NCALD: variants seen among roughly 807,000 people sequenced by gnomAD.
NCALD encodes the protein neurocalcin delta, also known as neurocalcin-delta.
In NCALD, 10 loss-of-function variants were observed where a neutral mutation model predicts 18.6. That is an observed-to-expected ratio of 0.54 (90% CI 0.33 to 0.91). The LOEUF is 0.91. Among genes scored for constraint, NCALD ranks in the 40% least tolerant of loss-of-function variants. NCALD has a pLI of 0.03. For missense variants in NCALD, 184 were observed against 247.6 expected, an observed-to-expected ratio of 0.74 and a Z score of 1.72; for synonymous variants, 88 against 87.4, an observed-to-expected ratio of 1.01 and a Z score of -0.04.
intron 1 of NCALD, among the ~76,000 whole-genome samples, chr8:101,779,070 T>C (rs1037821226): frequency 6.6e-6 from 1 of 152,286 alleles, no homozygotes; most frequent in Middle Eastern, 3.4e-3. Context: ...ACAAAGTCCA[T>C]AAAATTGTGA....
chr8:101,819,263 C>CATTATTTATTTATTTA (rs76064599), intron 4 of NCALD, among the ~76,000 whole-genome samples: 7 of 148,332 alleles, frequency 4.7e-5, no homozygotes, highest in African/African-American at 1.5e-4. Context: ...AAATACATAA[C>CATTATTTATTTATTTA]TTTATTTATT....
chr8:102,074,750 T>C (rs1824287196), intron 1 of NCALD, among the ~76,000 whole-genome samples: 1 of 152,172 alleles, frequency 6.6e-6, no homozygotes, highest in Admixed American at 6.5e-5. Flanking sequence ...GGTTTACATC[T>C]ACTTTCTTCT....
chr8:101,724,233 C>T (rs1238741962), intron 1 of NCALD, among the ~76,000 whole-genome samples: 1 of 152,124 alleles, frequency 6.6e-6, no homozygotes, highest in Non-Finnish European at 1.5e-5. Flanking sequence ...TTTACCATTT[C>T]TAAGAGGAAA....
At chr8:101,883,325 G>C (rs1816557346) in intron 4 of NCALD, among the ~76,000 whole-genome samples, 1 of 152,184 alleles carries the variant, frequency 6.6e-6, no homozygotes, top group Non-Finnish European at 1.5e-5. Context: ...CTGGGCAACA[G>C]AGTGAGATCC....
chr8:101,974,403 C>A (rs1388205974), intron 2 of NCALD, among the ~76,000 whole-genome samples: 1 of 152,132 alleles, frequency 6.6e-6, no homozygotes, highest in Non-Finnish European at 1.5e-5. Flanking sequence ...AAGATTACTG[C>A]CCCAAACCCC....
intron 1 of NCALD, among the ~76,000 whole-genome samples, chr8:101,758,279 C>T (rs1015172135): frequency 2.0e-5 from 3 of 152,164 alleles, no homozygotes; most frequent in African/African-American, 7.2e-5. Flanking sequence ...CACAGAAAGG[C>T]AGGCCCTTCT....
chr8:101,872,313 G>C, intron 4 of NCALD: 1 of 1,375,516 alleles, frequency 7.3e-7, no homozygotes, highest in Admixed American at 1.7e-5. Flanking sequence ...TCCCCTCAGC[G>C]AGTCTCTGCC....
chr8:101,729,553 C>T (rs962072299), intron 1 of NCALD, among the ~76,000 whole-genome samples: 1 of 152,060 alleles, frequency 6.6e-6, no homozygotes, highest in East Asian at 1.9e-4. Context: ...GCCTGGGGTT[C>T]CCAGCCACAC....
At chr8:101,999,219 C>T (rs1246354563) in intron 2 of NCALD, among the ~76,000 whole-genome samples, 1 of 151,930 alleles carries the variant, frequency 6.6e-6, no homozygotes, top group Non-Finnish European at 1.5e-5. Flanking sequence ...TTTATACCAG[C>T]ACAATTCACA....
intron 2 of NCALD, among the ~76,000 whole-genome samples, chr8:102,011,170 T>G (rs1454435533): frequency 1.3e-5 from 2 of 152,192 alleles, no homozygotes; most frequent in African/African-American, 4.8e-5. Flanking sequence ...CCATATCCAT[T>G]AACCACTTTC....
intron 1 of NCALD, among the ~76,000 whole-genome samples, chr8:102,112,361 C>T (rs867295336): frequency 9.2e-5 from 14 of 152,252 alleles, no homozygotes; most frequent in Middle Eastern, 3.4e-3. Flanking sequence ...AGACCAAAAC[C>T]GGATTAATCC....
chr8:102,029,143 G>A (rs1822571107), intron 1 of NCALD: 1 of 152,172 alleles, frequency 6.6e-6, no homozygotes, highest in Non-Finnish European at 1.5e-5. Flanking sequence ...AGAAGAAACT[G>A]TGTGAGCAAA....
In NCALD at chr8:102,002,817, C is replaced by A. The variant is rs575678698; in HGVS notation, c.-157+17420G>T. Among the ~76,000 whole-genome samples the A allele has an allele frequency of 3.8e-3, 578 of 152,232 alleles. 3 individuals are homozygous for A. The highest frequency in any genetic ancestry group is 6.4e-3 in the Non-Finnish European group (433 of 68,008). ...AAATAAAGGCAGAAATAAAGATGTT[C>A]TTTGAAACCAACGAGAACAAAGACA... On this transcript the variant is annotated intron_variant, in intron 2 of 6. Transcript: ENST00000311028.
chr8:101,928,567 G>A (rs56731949), intron 2 of NCALD, among the ~76,000 whole-genome samples: 1,767 of 150,786 alleles, frequency 0.012, 23 homozygotes, highest in Middle Eastern at 0.038. Context: ...ATACCTGCTC[G>A]CCTCTAAATC....
At chr8:101,742,017 G>T (rs1211368516) in intron 1 of NCALD, among the ~76,000 whole-genome samples, 2 of 151,158 alleles carry the variant, frequency 1.3e-5, no homozygotes, top group East Asian at 3.9e-4. Context: ...ACTTTGGGAG[G>T]CTGAGGTGGG....
chr8:101,841,102 A>C (rs544987736), intron 4 of NCALD, among the ~76,000 whole-genome samples: 3 of 152,318 alleles, frequency 2.0e-5, no homozygotes, highest in Admixed American at 6.5e-5. Flanking sequence ...CTAAATAGGC[A>C]TATTCAAATT....
intron 4 of NCALD, among the ~76,000 whole-genome samples, chr8:101,848,814 A>T (rs940391660): frequency 2.6e-5 from 4 of 152,150 alleles, no homozygotes; most frequent in Non-Finnish European, 5.9e-5. Flanking sequence ...TTTAAGACAA[A>T]TGAATAGAAT....
chr8:101,956,374 CA>C (rs1819623377), intron 2 of NCALD, among the ~76,000 whole-genome samples: 1 of 152,060 alleles, frequency 6.6e-6, no homozygotes, highest in Admixed American at 6.6e-5. Flanking sequence ...CAAGTTTACC[CA>C]AACATAGCCG....
chr8:101,790,216 G>T (rs1181432123), intron 1 of NCALD, among the ~76,000 whole-genome samples: 1 of 152,188 alleles, frequency 6.6e-6, no homozygotes, highest in Non-Finnish European at 1.5e-5. Context: ...CAACCAAAAA[G>T]CAATTGCATG....
Sources: gnomAD v4.1 joint callset for allele counts (sites outside exome capture counted in the v4.1 genomes callset) on GRCh38, gnomAD v4.1.1 for gene constraint, MANE v1.5 for transcripts, NCBI Gene and HGNC (gene_info 2026-07-23, HGNC 2026-07-21) for gene names.